RNASE11: variants seen among roughly 807,000 people sequenced by gnomAD.
RNASE11 encodes putative inactive ribonuclease 11.
For synonymous variants in RNASE11, 105 were observed against 86.1 expected, an observed-to-expected ratio of 1.22 and a Z score of -1.21; for missense variants, 252 against 237.8, an observed-to-expected ratio of 1.06 and a Z score of -0.39.
At chr14:20,585,101 T>C in intron 1 of RNASE11, 2 of 985,326 alleles carry the variant, frequency 2.0e-6, no homozygotes, top group Non-Finnish European at 2.4e-6. Context: ...ATCGTGTTTG[T>C]TTCCTGGGAG....
At chr14:20,583,581 TTC>T (rs966063162) in exon 2 of RNASE11, 8 of 318,208 alleles carry the variant, frequency 2.5e-5, no homozygotes, top group African/African-American at 1.7e-4. Flanking sequence ...GTTAGGTGGA[TTC>T]TGTTTCTTGG....
chr14:20,587,963 A>AC, upstream of RNASE11: 1 of 453,886 alleles, frequency 2.2e-6, no homozygotes, highest in South Asian at 9.3e-5. Flanking sequence ...AAAGCCTGTG[A>AC]CCCACCCATG....
upstream of RNASE11, among the ~76,000 whole-genome samples, chr14:20,589,901 G>A (rs370245897): frequency 5.1e-4 from 77 of 152,086 alleles, no homozygotes; most frequent in African/African-American, 1.8e-3. Context: ...AAAAGAAAAA[G>A]GAAACACTGA....
At chr14:20,584,358 C>T in exon 2 of RNASE11, 2 of 1,614,136 alleles carry the variant, frequency 1.2e-6, no homozygotes, top group South Asian at 2.2e-5. Context: ...CACTTTTTGC[C>T]ATGTCATATT....
At chr14:20,584,097 T>G in exon 2 of RNASE11, 1 of 1,614,212 alleles carries the variant, frequency 6.2e-7, no homozygotes, top group South Asian at 1.1e-5. Flanking sequence ...TGCGCATCAC[T>G]TCTGTGGAGC....
chr14:20,585,672 A>G (rs886816767), intron 1 of RNASE11, among the ~76,000 whole-genome samples: 2 of 152,240 alleles, frequency 1.3e-5, no homozygotes, highest in Non-Finnish European at 2.9e-5. Flanking sequence ...AGAAGAGCAG[A>G]GCAGAAATTC....
chr14:20,583,700 T>C lies in RNASE11; in HGVS notation c.*175A>G, dbSNP rs1884360161. The C allele has an allele frequency of 2.2e-5, 10 of 453,908 alleles. No homozygotes were observed. The South Asian group carries it at 2.9e-4, about 13-fold the overall frequency. 28.1% of individuals were successfully genotyped at this position (453,908 alleles called of 1,614,324 possible). A position where few individuals can be genotyped will look rare whatever the true frequency, so the allele number is the denominator to read the frequency against. The stretch of plus-strand genomic sequence containing the variant: ...AGAAGAATCTGCACGCCAGTATCAG[T>C]CATAACTTTTAATTGAATTATCCAC... On this transcript the variant is annotated 3_prime_UTR_variant, in exon 2 of 2. Transcript: ENST00000553849.
chr14:20,586,237 C>T (rs1884430846), intron 1 of RNASE11, among the ~76,000 whole-genome samples: 1 of 152,132 alleles, frequency 6.6e-6, no homozygotes, highest in South Asian at 2.1e-4. Context: ...TTAATATACC[C>T]TATGCCATCT....
Position 20,585,193 on chromosome 14 carries a change from C to T in RNASE11, c.-22-697G>A, listed in dbSNP as rs963362860. 2.5e-5 allele frequency: 13 copies of T among 519,862 alleles called. No individual in the cohort carries two copies. In the South Asian group the frequency reaches 9.3e-4, roughly 37 times the overall value. 32.2% of individuals were successfully genotyped at this position (519,862 alleles called of 1,614,324 possible). ...TGTATGAGATTGACTCAGGAGACCA[C>T]GTGGAACCAAGGAAGCTCAGGGAGA... On this transcript the variant is annotated intron_variant, in intron 1 of 1. Coordinates refer to ENST00000553849, the Ensembl canonical transcript of RNASE11.
chr14:20,589,779 T>C (rs1884525774), upstream of RNASE11, among the ~76,000 whole-genome samples: 1 of 151,788 alleles, frequency 6.6e-6, no homozygotes, highest in Non-Finnish European at 1.5e-5. Flanking sequence ...CCCAGCTACT[T>C]GGGAGGCTGA....
chr14:20,587,758 C>T (rs895186077), upstream of RNASE11: 11 of 985,394 alleles, frequency 1.1e-5, no homozygotes, highest in Non-Finnish European at 1.1e-5. Flanking sequence ...TGCAAACTGT[C>T]CTTCACTTAC....
upstream of RNASE11, among the ~76,000 whole-genome samples, chr14:20,588,838 G>A (rs150269448): frequency 1.8e-3 from 267 of 152,286 alleles, no homozygotes; most frequent in African/African-American, 6.1e-3. Context: ...CCAGGCTGGA[G>A]TGCAATGGCA....
At chr14:20,586,092 T>C (rs1207164728) in intron 1 of RNASE11, among the ~76,000 whole-genome samples, 2 of 152,236 alleles carry the variant, frequency 1.3e-5, no homozygotes, top group African/African-American at 2.4e-5. Flanking sequence ...TCCTCTTTGC[T>C]CACAGTAGGA....
chr14:20,585,617 AAG>A (rs1346378090), intron 1 of RNASE11, among the ~76,000 whole-genome samples: 1 of 152,240 alleles, frequency 6.6e-6, no homozygotes, highest in East Asian at 1.9e-4. Context: ...ATAAATAATC[AAG>A]AGTTTACTAT....
chr14:20,586,512 T>C (rs895127636), intron 1 of RNASE11, among the ~76,000 whole-genome samples: 1 of 152,240 alleles, frequency 6.6e-6, no homozygotes, highest in Non-Finnish European at 1.5e-5. Flanking sequence ...CAAGAATACA[T>C]AAGCCTTAAT....
chr14:20,585,647 G>A (rs1373530509), intron 1 of RNASE11, among the ~76,000 whole-genome samples: 1 of 152,174 alleles, frequency 6.6e-6, no homozygotes, highest in African/African-American at 2.4e-5. Flanking sequence ...AAGAGTAGAT[G>A]TTAAGGAAAC....
chr14:20,585,328 C>G (rs79555063), intron 1 of RNASE11, among the ~76,000 whole-genome samples: 10,072 of 152,226 alleles, frequency 0.066, 373 homozygotes, highest in African/African-American at 0.095. Flanking sequence ...CCCAGCATGA[C>G]TTTTTTGTTT....
At chr14:20,588,260 G>T (rs1884476865), upstream of RNASE11, 1 of 152,162 alleles carries the variant, frequency 6.6e-6, no homozygotes, top group African/African-American at 2.4e-5. Flanking sequence ...GAGAAGAAGA[G>T]GACTTCATGA....
At chr14:20,584,028 C>T in exon 2 of RNASE11, 2 of 1,614,178 alleles carry the variant, frequency 1.2e-6, no homozygotes, top group South Asian at 1.1e-5. Context: ...GTTCTAGGCT[C>T]TCACAGCAGC....
Sources: allele counts gnomAD v4.1 joint callset (sites outside exome capture counted in the v4.1 genomes callset), GRCh38; gene constraint gnomAD v4.1.1; transcripts MANE v1.5; gene names NCBI Gene and HGNC (gene_info 2026-07-23, HGNC 2026-07-21).